The following NIPBL variants were observed in gnomAD, a reference collection of about 807,000 sequenced individuals.
The protein encoded by NIPBL is NIPBL cohesin loading factor, also known as nipped-B-like protein.
In NIPBL, 19 loss-of-function variants were observed where a neutral mutation model predicts 321.8. That is an observed-to-expected ratio of 0.06 (90% confidence interval 0.04 to 0.09). The LOEUF is 0.09. Among genes scored for constraint, NIPBL ranks in the 10% least tolerant of loss-of-function variants. The probability of loss-of-function intolerance (pLI) is 1.00; values close to 1 mark genes in which losing one functional copy is unlikely to be tolerated. For missense variants in NIPBL, 2,210 were observed against 3,327.0 expected (o/e 0.66, Z 8.26); for synonymous variants, 1,106 against 1,114.1 (o/e 0.99, Z 0.14).
intron 10 of NIPBL, 62 bp from the exon 11 acceptor site, chr5:36,995,560 T>C: frequency 8.7e-7 from 1 of 1,150,510 alleles, no homozygotes. Flanking sequence ...GCTAACTTAG[T>C]TAAAATTTTC....
intron 8 of NIPBL, 80 bp downstream of exon 8, chr5:36,972,121 A>T: frequency 1.1e-6 from 1 of 915,830 alleles, no homozygotes; most frequent in Non-Finnish European, 1.7e-6. Flanking sequence ...TAAAGCAGAT[A>T]TTAAAAAGTT....
intron 42 of NIPBL, among the ~76,000 whole-genome samples, chr5:37,053,918 C>G (rs1004984398): frequency 6.6e-6 from 1 of 152,136 alleles, no homozygotes; most frequent in African/African-American, 2.4e-5. Context: ...ACAAAAGAGG[C>G]CAGGAGTGGT....
chr5:36,994,885 G>T (rs76591404), intron 10 of NIPBL, among the ~76,000 whole-genome samples: 1 of 137,746 alleles, frequency 7.3e-6, no homozygotes, highest in African/African-American at 2.9e-5. Flanking sequence ...CTTGACTCTT[G>T]TGGGAAGATA....
At chr5:37,031,030 G>A (rs998939472) in intron 32 of NIPBL, among the ~76,000 whole-genome samples, 1 of 149,456 alleles carries the variant, frequency 6.7e-6, no homozygotes, top group Non-Finnish European at 1.5e-5. Flanking sequence ...GTCGCCCAGG[G>A]TGGAGTGCAG....
At chr5:36,959,013 C>A (rs1741299196) in intron 4 of NIPBL, among the ~76,000 whole-genome samples, 1 of 152,066 alleles carries the variant, frequency 6.6e-6, no homozygotes, top group South Asian at 2.1e-4. Context: ...TAAGACCAGC[C>A]TGGGCAACAT....
chr5:36,937,748 A>G (rs1044773225), intron 1 of NIPBL, among the ~76,000 whole-genome samples: 1 of 152,118 alleles, frequency 6.6e-6, no homozygotes, highest in African/African-American at 2.4e-5. Flanking sequence ...TTTTATACAC[A>G]TATTTTCTTC....
At chr5:36,956,928 A>G (rs1320242702) in intron 3 of NIPBL, among the ~76,000 whole-genome samples, 4 of 151,882 alleles carry the variant, frequency 2.6e-5, no homozygotes, top group African/African-American at 4.8e-5. Context: ...CCCAGCCTCT[A>G]AATCACTTCT....
Position 37,049,155 on chromosome 5 carries a change from G to A in NIPBL, c.6808G>A (p.Val2270Ile). 6.2e-7 allele frequency: 1 copy of A among 1,614,138 alleles called. No individual in the cohort carries two copies. Among genetic ancestry groups the A allele is most frequent in the Non-Finnish European group, 8.5e-7 (1 of 1,179,994 alleles). ...GGAAGACTTAAAAGAAATGGGTGAT[G>A]TTTCCTCAGGGATGAGTAGTTCCAT... ...KQEDLKEMGD[V>I]SSGMSSSIMQ... Residue 2270 changes from valine to isoleucine, a missense_variant, in exon 40 of 47, where the codon GTT becomes ATT. Val to Ile is a conservative substitution (Grantham distance 29). This residue lies in a region of NIPBL where 112 missense variants were observed against 288.3 expected (regional missense o/e 0.39). Transcript: ENST00000282516.
At chr5:36,968,052 C>G (rs1490224411) in intron 6 of NIPBL, among the ~76,000 whole-genome samples, 2 of 141,944 alleles carry the variant, frequency 1.4e-5, no homozygotes, top group Non-Finnish European at 3.0e-5. Flanking sequence ...GCTGAGATCA[C>G]GCCACTGCAC....
chr5:37,013,832 G>A (rs988209242), intron 21 of NIPBL, among the ~76,000 whole-genome samples: 8 of 152,216 alleles, frequency 5.3e-5, no homozygotes, highest in Admixed American at 4.6e-4. Context: ...CTGCAATCTC[G>A]GCACTTTGAG....
At chr5:36,976,612 TTCTC>T (rs751912319) in intron 9 of NIPBL, among the ~76,000 whole-genome samples, 3 of 152,174 alleles carry the variant, frequency 2.0e-5, no homozygotes, top group Non-Finnish European at 4.4e-5. Flanking sequence ...GATTTGGTAA[TTCTC>T]TACTACAGGT....
chr5:37,026,853 T>G (rs1750329292), intron 31 of NIPBL, among the ~76,000 whole-genome samples: 1 of 151,448 alleles, frequency 6.6e-6, no homozygotes, highest in Admixed American at 6.6e-5. Flanking sequence ...TATACTGTAA[T>G]CATGCCTGTG....
At chr5:37,049,401 T>C in intron 40 of NIPBL, 100 bp downstream of exon 40, 1 of 1,295,772 alleles carries the variant, frequency 7.7e-7, no homozygotes, top group South Asian at 1.2e-5. Context: ...TCGTTCCTCT[T>C]ACTCTTCTTT....
intron 1 of NIPBL, among the ~76,000 whole-genome samples, chr5:36,926,451 C>T (rs991239714): frequency 1.3e-5 from 2 of 152,112 alleles, no homozygotes; most frequent in African/African-American, 4.8e-5. Flanking sequence ...CCAAAAGGCT[C>T]GATTCAGCGG....
intron 21 of NIPBL, among the ~76,000 whole-genome samples, chr5:37,013,403 T>G (rs1029827085): frequency 2.0e-5 from 3 of 150,166 alleles, no homozygotes; most frequent in Non-Finnish European, 3.0e-5. Flanking sequence ...CGCTCCTCAC[T>G]TCCCAGACAG....
intron 10 of NIPBL, among the ~76,000 whole-genome samples, chr5:36,989,963 C>A (rs1402978151): frequency 6.6e-6 from 1 of 150,634 alleles, no homozygotes; most frequent in Non-Finnish European, 1.5e-5. Context: ...TTTTTAACTC[C>A]AGAGTGTCTC....
intron 1 of NIPBL, among the ~76,000 whole-genome samples, chr5:36,944,099 C>A (rs1739402826): frequency 2.0e-5 from 3 of 151,826 alleles, no homozygotes; most frequent in Non-Finnish European, 1.5e-5. Flanking sequence ...GGAGAGAGAT[C>A]ATAGGGGTCA....
chr5:37,051,467 T>A, intron 40 of NIPBL: 1 of 342,992 alleles, frequency 2.9e-6, no homozygotes, highest in Non-Finnish European at 5.3e-6. Context: ...ATTATACATT[T>A]GTAGTCTATA....
At position 36,955,350 on chromosome 5, in the gene NIPBL, T is replaced by A. The variant is rs1740822601; in HGVS notation, c.65-122T>A. 7.3e-6 allele frequency: 6 copies of A among 817,356 alleles called. No homozygotes were observed. In the East Asian group the frequency reaches 1.5e-4, roughly 21 times the overall value. 50.6% of individuals were successfully genotyped at this position (817,356 alleles called of 1,614,324 possible). Reference sequence around the variant, plus strand: ...TGAGGTTTGTTAGGAAGAGGAGGAATGCCTTTTAATAATTTGTCACATTGA... The same window carrying A: ...TGAGGTTTGTTAGGAAGAGGAGGAAAGCCTTTTAATAATTTGTCACATTGA... On this transcript the variant is annotated intron_variant, in intron 2 of 46. Transcript: ENST00000282516.
Sources: gnomAD v4.1 joint callset for allele counts (sites outside exome capture counted in the v4.1 genomes callset) on GRCh38, gnomAD v4.1.1 for gene constraint, gnomAD v4.1.1 regional missense constraint, MANE v1.5 for transcripts, NCBI Gene and HGNC (gene_info 2026-07-23, HGNC 2026-07-21) for gene names.